Variants in DYRK4 observed in about 807,000 individuals in gnomAD.
DYRK4 encodes the protein dual specificity tyrosine phosphorylation regulated kinase 4.
A neutral mutation model predicts 68.3 loss-of-function variants in DYRK4; 64 were observed. The ratio of observed to expected loss-of-function variants is 0.94; its 90% CI spans 0.77 to 1.15. DYRK4 has a LOEUF of 1.15. Among genes scored for constraint, DYRK4 ranks in the 50% most tolerant of loss-of-function variants. The probability of loss-of-function intolerance (pLI) is 0.00; values close to 1 mark genes in which losing one functional copy is unlikely to be tolerated. For synonymous variants in DYRK4, 274 were observed against 289.9 expected, an observed-to-expected ratio of 0.95 and a Z score of 0.56; for missense variants, 740 against 764.7, an observed-to-expected ratio of 0.97 and a Z score of 0.38.
chr12:4,604,100 G>A (rs551298755), intron 10 of DYRK4, among the ~76,000 whole-genome samples: 1 of 152,228 alleles, frequency 6.6e-6, no homozygotes, highest in South Asian at 2.1e-4. Flanking sequence ...TTAATGTAAG[G>A]GTTGAAAGGG....
In DYRK4 at chr12:4,610,188, A is replaced by G; in HGVS notation, c.1394A>G (p.Asn465Ser). 5 of 1,603,036 alleles carry G rather than the reference A, an allele frequency of 3.1e-6. No individual in the cohort carries two copies. The highest frequency in any genetic ancestry group is 4.3e-6 in the Non-Finnish European group (5 of 1,176,038). ...GGTTTTCCTAAAAATATAACCAACA[A>G]CAGGGGGAAAAAAAGATACCCAGAT... Reference protein sequence around the residue: ...SKGFPKNITNNRGKKRYPDSK... With the variant: ...SKGFPKNITNSRGKKRYPDSK... The change falls in exon 13 of 15, where the codon AAC (asparagine) becomes AGC (serine). Residue 465 changes from asparagine to serine, a missense_variant. Asn to Ser is a conservative substitution (Grantham distance 46). Around this residue, in one of 3 missense-constraint regions of DYRK4, gnomAD observed 614 missense variants for 603.7 expected, o/e 1.02. Coordinates refer to ENST00000543431, the MANE Select transcript of DYRK4 (RefSeq NM_001394779.1).
At chr12:4,573,492 C>T (rs922643281) in intron 2 of DYRK4, 5 of 898,354 alleles carry the variant, frequency 5.6e-6, no homozygotes, top group East Asian at 1.2e-4. Context: ...CGGGTGGGGG[C>T]ATGTCTCTGA....
intron 7 of DYRK4, 104 bp from the exon 8 acceptor site, chr12:4,596,485 A>G: frequency 2.0e-6 from 3 of 1,514,526 alleles, no homozygotes; most frequent in Non-Finnish European, 2.6e-6. Context: ...GCCACTAGAC[A>G]GTCTTGTTGG....
At chr12:4,602,649 G>A in intron 10 of DYRK4, 1 of 1,398,710 alleles carries the variant, frequency 7.1e-7, no homozygotes, top group Non-Finnish European at 1.0e-6. Flanking sequence ...TGGAAGATCT[G>A]GGTAACACCT....
intron 2 of DYRK4, among the ~76,000 whole-genome samples, chr12:4,581,482 G>C (rs529277646): frequency 7.9e-5 from 12 of 152,144 alleles, no homozygotes; most frequent in Non-Finnish European, 1.5e-4. Context: ...TTGAGAGGGG[G>C]CATGAGCAGA....
Position 4,599,060 on chromosome 12 carries a change from A to C in DYRK4, c.938A>C (p.Asn313Thr). The C allele has an allele frequency of 6.2e-7, 1 of 1,614,006 alleles. No homozygotes were observed. The highest frequency in any genetic ancestry group is 8.5e-7 in the Non-Finnish European group (1 of 1,179,992). The change falls in exon 9 of 15, where the codon AAC becomes ACC. Residue 313 changes from asparagine (N) to threonine (T), a missense_variant. Transcript: ENST00000543431. ...TTGTATGAGTTGATGAAGAATAACA[A>C]CTTTCAAGGCTTCAGTCTGTCCATA... The part of the protein sequence containing the change: ...INLYELMKNN[N>T]FQGFSLSIVR...
chr12:4,602,549 T>A, intron 10 of DYRK4: 1 of 1,222,098 alleles, frequency 8.2e-7, no homozygotes, highest in Non-Finnish European at 1.2e-6. Flanking sequence ...AGTGGAGGGA[T>A]ATAAGCCAAC....
At chr12:4,573,791 T>G (rs1944756122) in intron 2 of DYRK4, among the ~76,000 whole-genome samples, 1 of 152,240 alleles carries the variant, frequency 6.6e-6, no homozygotes, top group Non-Finnish European at 1.5e-5. Context: ...CAGATTTTAT[T>G]CTGTAATTCA....
intron 2 of DYRK4, among the ~76,000 whole-genome samples, chr12:4,581,342 A>G (rs1210052769): frequency 6.6e-6 from 1 of 152,186 alleles, no homozygotes; most frequent in East Asian, 1.9e-4. Context: ...TTGTAATGGG[A>G]ACAGGCTTCT....
At chr12:4,565,529 C>T (rs1382472337) in intron 1 of DYRK4, among the ~76,000 whole-genome samples, 1 of 152,194 alleles carries the variant, frequency 6.6e-6, no homozygotes, top group Non-Finnish European at 1.5e-5. Flanking sequence ...TCCATGATTC[C>T]TCAGCGTTTC....
chr12:4,588,254 C>T (rs1273123988), intron 2 of DYRK4, among the ~76,000 whole-genome samples: 2 of 152,060 alleles, frequency 1.3e-5, no homozygotes, highest in African/African-American at 4.8e-5. Context: ...AAATTTTAAT[C>T]TCATCCTACA....
intron 1 of DYRK4, 38 bp downstream of exon 1, chr12:4,562,321 G>A: frequency 6.5e-7 from 1 of 1,526,764 alleles, no homozygotes; most frequent in Non-Finnish European, 8.7e-7. Context: ...CGAGCAGTCA[G>A]GCGCGAGTAC....
chr12:4,612,675 A>G lies in DYRK4; in HGVS notation c.1623A>G (p.Thr541=). The change falls in exon 14 of 15, where the codon ACA becomes ACG. Residue 541 remains threonine (T), a synonymous_variant. Transcript: ENST00000543431. ...CCAATTCCTTTTTCCCCTCTGAGAC[A>G]AGGAAGGACAAGGTTCAAGGCTGTC... is the stretch of plus-strand genomic sequence containing the variant. ...RKSNSFFPSE[T]RKDKVQGCHH... 3.7e-6 allele frequency: 6 copies of G among 1,614,158 alleles called. No individual in the cohort carries two copies. The highest frequency in any genetic ancestry group is 5.1e-6 in the Non-Finnish European group (6 of 1,180,012).
At position 4,609,437 on chromosome 12, in the gene DYRK4, T is replaced by A. The variant is rs563838883; in HGVS notation, c.1361-718T>A. The stretch of plus-strand genomic sequence containing the variant: ...AGTTTGGGAAACACGGTTGTCCACT[T>A]CAGTTCTTGACTGTTCCTTTCCCAG... On this transcript the variant is annotated intron_variant, in intron 12 of 14. Coordinates refer to ENST00000543431, the MANE Select transcript of DYRK4 (RefSeq NM_001394779.1). Among the ~76,000 whole-genome samples, 17 of 152,350 alleles carry A rather than the reference T, an allele frequency of 1.1e-4. 1 individual carries two copies. Among genetic ancestry groups the A allele is most frequent in the African/African-American group, 3.8e-4 (16 of 41,580 alleles).
intron 2 of DYRK4, among the ~76,000 whole-genome samples, chr12:4,582,338 G>A (rs1225487549): frequency 6.6e-6 from 1 of 152,212 alleles, no homozygotes; most frequent in East Asian, 1.9e-4. Flanking sequence ...CAGCTACTCG[G>A]GAGGCTGAGG....
intron 1 of DYRK4, 43 bp downstream of exon 1, chr12:4,562,326 G>C: frequency 6.6e-7 from 1 of 1,520,022 alleles, no homozygotes; most frequent in Non-Finnish European, 8.8e-7. Flanking sequence ...AGTCAGGCGC[G>C]AGTACGAGGC....
At chr12:4,605,263 C>T (rs1174498481) in intron 11 of DYRK4, among the ~76,000 whole-genome samples, 177 bp downstream of exon 11, 1 of 152,218 alleles carries the variant, frequency 6.6e-6, no homozygotes, top group Non-Finnish European at 1.5e-5. Context: ...GTCAAGTCGA[C>T]ATCTAACGTT....
Position 4,604,771 on chromosome 12 carries a change from AT to A in DYRK4, c.1127-142del, listed in dbSNP as rs544159490. On this transcript the variant is annotated intron_variant, in intron 10 of 14. Coordinates refer to ENST00000543431, the MANE Select transcript of DYRK4 (RefSeq NM_001394779.1). ...GCGGATTTGATGCTGTGATGGTGTA[AT>A]GGGAGTTCTAAGTGCTGGCCAGCTG... is the stretch of plus-strand genomic sequence containing the variant. 6.8e-5 allele frequency: 63 copies of A among 922,634 alleles called. No homozygotes were observed. The African/African-American group carries it at 1.0e-3, about 15-fold the overall frequency. The allele number at this position is 922,634 out of a possible 1,614,324, so 57.2% of individuals were successfully genotyped here.
Position 4,593,615 on chromosome 12 carries a change from A to G in DYRK4, c.627+450A>G, listed in dbSNP as rs141844829. On this transcript the variant is annotated intron_variant, in intron 6 of 14. Transcript: ENST00000543431. ...CTTTTGTCACTGTAGACCCTGGTGC[A>G]TAGAGCTTAATTTCATTCTGTTTTT... is the stretch of plus-strand genomic sequence containing the variant. Among the ~76,000 whole-genome samples, 239 of 152,310 alleles carry G rather than the reference A, an allele frequency of 1.6e-3. 1 individual carries two copies. Among genetic ancestry groups the G allele is most frequent in the African/African-American group, 5.4e-3 (223 of 41,566 alleles).
Sources: allele counts gnomAD v4.1 joint callset (sites outside exome capture counted in the v4.1 genomes callset), GRCh38; gene constraint gnomAD v4.1.1; regional missense constraint gnomAD v4.1.1; transcripts MANE v1.5; gene names NCBI Gene and HGNC (gene_info 2026-07-23, HGNC 2026-07-21).